TTC28: variants seen among roughly 807,000 people sequenced by gnomAD.
TTC28 encodes the protein tetratricopeptide repeat protein 28.
Under a neutral mutation model 198.0 loss-of-function variants are expected in TTC28, and 61 were observed. The ratio of observed to expected loss-of-function variants is 0.31; its 90% CI spans 0.25 to 0.38. The LOEUF (loss-of-function observed/expected upper bound fraction) is 0.38, where lower values mean the gene tolerates loss of function less well. Ranked by LOEUF, TTC28 falls within the 10% of genes least tolerant of loss-of-function variation. The pLI, the probability that TTC28 is intolerant of heterozygous loss-of-function variation, is 1.00. For synonymous variants in TTC28, 1,171 were observed against 1,297.8 expected, an observed-to-expected ratio of 0.90 and a Z score of 2.10; for missense variants, 2,678 against 3,164.0, an observed-to-expected ratio of 0.85 and a Z score of 3.69.
chr22:28,590,362 C>A (rs1480345533), intron 2 of TTC28, among the ~76,000 whole-genome samples: 1 of 151,956 alleles, frequency 6.6e-6, no homozygotes, highest in Middle Eastern at 3.2e-3. Flanking sequence ...ATCTCCTGAC[C>A]TTGTGATCCG....
intron 2 of TTC28, among the ~76,000 whole-genome samples, chr22:28,620,922 A>G (rs909476502): frequency 2.0e-5 from 3 of 152,204 alleles, no homozygotes; most frequent in African/African-American, 7.2e-5. Flanking sequence ...GAAATTAGGC[A>G]TTTACCTTAA....
At chr22:28,011,681 C>T (rs1204491600) in intron 14 of TTC28, among the ~76,000 whole-genome samples, 1 of 152,022 alleles carries the variant, frequency 6.6e-6, no homozygotes, top group Non-Finnish European at 1.5e-5. Flanking sequence ...TCTCAGGTAC[C>T]ATAAAAAACA....
intron 2 of TTC28, among the ~76,000 whole-genome samples, chr22:28,399,518 C>G (rs1270239981): frequency 1.3e-5 from 2 of 151,912 alleles, no homozygotes; most frequent in Non-Finnish European, 2.9e-5. Flanking sequence ...GGTGCCTGGG[C>G]TGTTCTCAAA....
chr22:28,403,420 T>C (rs1377659548), intron 2 of TTC28, among the ~76,000 whole-genome samples: 1 of 152,168 alleles, frequency 6.6e-6, no homozygotes, highest in Non-Finnish European at 1.5e-5. Context: ...ATAGTGACAG[T>C]TCAACTCATA....
intron 12 of TTC28, among the ~76,000 whole-genome samples, chr22:28,034,182 C>A (rs984946121): frequency 6.6e-6 from 1 of 152,172 alleles, no homozygotes. Context: ...GACACATTGG[C>A]TTTGCAGACA....
At chr22:28,523,331 T>C (rs2048944291) in intron 2 of TTC28, among the ~76,000 whole-genome samples, 1 of 152,182 alleles carries the variant, frequency 6.6e-6, no homozygotes, top group Non-Finnish European at 1.5e-5. Flanking sequence ...TTCAGAATAA[T>C]TCTATAAGTT....
rs1001056061 is a variant in TTC28, at chr22:28,595,700, C to T, written c.381+33852G>A. On this transcript the variant is annotated intron_variant, in intron 2 of 22. Coordinates refer to ENST00000397906, the MANE Select transcript of TTC28 (RefSeq NM_001145418.2). The stretch of plus-strand genomic sequence containing the variant: ...TAGCACTTTGGGAGGCCGAGGCAGG[C>T]GGCTCATGAGGTCAAGAGATCCAGA... 3.9e-5 allele frequency among the ~76,000 whole-genome samples: 6 copies of T among 152,254 alleles called. 1 individual carries two copies. Among genetic ancestry groups the T allele is most frequent in the Admixed American group, 3.3e-4 (5 of 15,286 alleles).
intron 6 of TTC28, among the ~76,000 whole-genome samples, chr22:28,114,578 G>T (rs1436600399): frequency 6.8e-6 from 1 of 148,146 alleles, no homozygotes; most frequent in Non-Finnish European, 1.5e-5. Flanking sequence ...CAAAGGTATA[G>T]ATTTTTTTTT....
intron 14 of TTC28, among the ~76,000 whole-genome samples, chr22:28,013,737 A>G (rs1362006696): frequency 6.6e-6 from 1 of 152,160 alleles, no homozygotes; most frequent in Non-Finnish European, 1.5e-5. Context: ...GGAAGGGCAC[A>G]GCCACGGCCA....
In TTC28 at chr22:28,203,102, T is replaced by C. The variant is rs189635610; in HGVS notation, c.934-39503A>G. ...ATACATCCTTCCGTAGATATGGTTT[T>C]CTATGCTTATTTGCGCATATTAAAT... On this transcript the variant is annotated intron_variant, in intron 5 of 22. Transcript: ENST00000397906. Among the ~76,000 whole-genome samples, 16 of 152,292 alleles carry C rather than the reference T, an allele frequency of 1.1e-4. No homozygotes were observed. In the East Asian group the frequency reaches 2.7e-3, roughly 26 times the overall value.
chr22:28,070,119 A>G (rs1450891244), intron 12 of TTC28, among the ~76,000 whole-genome samples: 2 of 152,214 alleles, frequency 1.3e-5, no homozygotes, highest in Non-Finnish European at 2.9e-5. Context: ...TAACATAATT[A>G]TAAATAAACA....
At chr22:28,193,901 T>A (rs150063160) in intron 5 of TTC28, among the ~76,000 whole-genome samples, 384 of 152,116 alleles carry the variant, frequency 2.5e-3, no homozygotes, top group African/African-American at 6.0e-3. Flanking sequence ...TAAAAAGGAT[T>A]TCCACGACTT....
chr22:28,253,514 A>G (rs1930673268), intron 5 of TTC28, among the ~76,000 whole-genome samples: 1 of 152,208 alleles, frequency 6.6e-6, no homozygotes, highest in East Asian at 1.9e-4. Flanking sequence ...GGGGTCAGGA[A>G]CTTTGCTGTC....
At chr22:28,096,148 C>T in intron 11 of TTC28, 42 bp downstream of exon 11, 2 of 1,497,204 alleles carry the variant, frequency 1.3e-6, no homozygotes, top group East Asian at 5.0e-5. Context: ...TTTCACAGGT[C>T]TAGTCTTCTA....
chr22:28,040,109 A>G (rs1939554350), intron 12 of TTC28, among the ~76,000 whole-genome samples: 1 of 152,196 alleles, frequency 6.6e-6, no homozygotes, highest in Admixed American at 6.5e-5. Context: ...CCTACCAAAC[A>G]AAAAAAGTCC....
intron 5 of TTC28, among the ~76,000 whole-genome samples, chr22:28,225,130 T>C (rs1463691762): frequency 2.0e-5 from 3 of 151,908 alleles, no homozygotes; most frequent in Admixed American, 2.0e-4. Context: ...CCCAGCACTT[T>C]GGGAGGCCGA....
In TTC28 at chr22:28,208,823, C is replaced by T. The variant is rs574702657; in HGVS notation, c.934-45224G>A. Among the ~76,000 whole-genome samples the T allele has an allele frequency of 2.1e-3, 318 of 152,164 alleles. 1 individual carries two copies. The highest frequency in any genetic ancestry group is 8.9e-3 in the South Asian group (43 of 4,808). ...GAAATGATAGATCTGAAACCAATTT[C>T]GGCCTCTGGGAAGAAGTCTGTCAGA... On this transcript the variant is annotated intron_variant, in intron 5 of 22. Transcript: ENST00000397906.
At chr22:28,055,460 TAAA>T (rs1280454480) in intron 12 of TTC28, among the ~76,000 whole-genome samples, 2 of 152,260 alleles carry the variant, frequency 1.3e-5, no homozygotes, top group Admixed American at 6.5e-5. Flanking sequence ...GTTCTGAAGT[TAAA>T]GAAGTCAAGC....
At chr22:28,536,934 A>G (rs1217771826) in intron 2 of TTC28, among the ~76,000 whole-genome samples, 1 of 151,392 alleles carries the variant, frequency 6.6e-6, no homozygotes, top group Admixed American at 6.6e-5. Context: ...TGTATAATTT[A>G]ATATATTAAC....
Sources: allele counts gnomAD v4.1 joint callset (sites outside exome capture counted in the v4.1 genomes callset), GRCh38; gene constraint gnomAD v4.1.1; transcripts MANE v1.5; gene names NCBI Gene and HGNC (gene_info 2026-07-23, HGNC 2026-07-21).